COBLL1: variants seen among roughly 807,000 people sequenced by gnomAD.
The protein encoded by COBLL1 is cordon-bleu WH2 repeat protein like 1, also known as cordon-bleu protein-like 1.
In COBLL1, 50 loss-of-function variants were observed where a neutral mutation model predicts 94.8. The observed-to-expected ratio is 0.53, with a 90% CI of 0.42 to 0.67. The LOEUF (loss-of-function observed/expected upper bound fraction) is 0.67. Among genes scored for constraint, COBLL1 ranks in the 30% least tolerant of loss-of-function variants. The probability of loss-of-function intolerance (pLI) is 0.00; values close to 1 mark genes in which losing one functional copy is unlikely to be tolerated. For missense variants in COBLL1, 1,362 were observed against 1,348.7 expected, an observed-to-expected ratio of 1.01 and a Z score of -0.15; for synonymous variants, 448 against 473.8, an observed-to-expected ratio of 0.95 and a Z score of 0.71.
Position 164,743,763 on chromosome 2 carries a change from T to C in COBLL1, c.154A>G (p.Asn52Asp), listed in dbSNP as rs745882180. Residue 52 changes from asparagine (N) to aspartate (D), a missense_variant, in exon 3 of 14, where the codon AAC becomes GAC. By Grantham distance (23) the Asn-to-Asp change is conservative (BLOSUM62 1). Transcript: ENST00000652658. ...STAFIMEQKE[N>D]MIDKDVELSV... is the part of the protein sequence containing the mutation. ...AGTTCAACGTCTTTATCTATCATGT[T>C]TTCTTTCTGTTCCATGATGAAAGCA... 2.5e-6 allele frequency: 4 copies of C among 1,613,548 alleles called. No individual in the cohort carries two copies. The highest frequency in any genetic ancestry group is 3.4e-6 in the Non-Finnish European group (4 of 1,179,652).
intron 2 of COBLL1, among the ~76,000 whole-genome samples, chr2:164,821,233 A>C (rs1156298436): frequency 6.6e-6 from 1 of 152,104 alleles, no homozygotes; most frequent in Non-Finnish European, 1.5e-5. Flanking sequence ...AATGAATGTG[A>C]CCTGACATGA....
At chr2:164,790,224 T>C (rs1031005763) in intron 2 of COBLL1, among the ~76,000 whole-genome samples, 2 of 152,060 alleles carry the variant, frequency 1.3e-5, no homozygotes, top group African/African-American at 4.8e-5. Flanking sequence ...GGTTCATTGG[T>C]GTGTCTACAT....
At chr2:164,822,728 T>A (rs961308208) in intron 2 of COBLL1, among the ~76,000 whole-genome samples, 1 of 69,514 alleles carries the variant, frequency 1.4e-5, no homozygotes, top group Non-Finnish European at 3.0e-5. Flanking sequence ...CTGAAAAGAT[T>A]ATATTATATT....
chr2:164,779,420 C>T (rs539559351), intron 2 of COBLL1, among the ~76,000 whole-genome samples: 2 of 152,202 alleles, frequency 1.3e-5, no homozygotes, highest in African/African-American at 4.8e-5. Flanking sequence ...CAGGGAAGTT[C>T]CTTGCTCCCT....
intron 2 of COBLL1, among the ~76,000 whole-genome samples, chr2:164,780,811 C>CA (rs1688692587): frequency 6.6e-6 from 1 of 152,160 alleles, no homozygotes; most frequent in Non-Finnish European, 1.5e-5. Context: ...AGGCGACAGA[C>CA]AGAGTGTAAA....
intron 2 of COBLL1, among the ~76,000 whole-genome samples, chr2:164,751,170 G>T (rs1410790448): frequency 6.6e-6 from 1 of 151,956 alleles, no homozygotes; most frequent in Non-Finnish European, 1.5e-5. Flanking sequence ...AGGTACCAAG[G>T]CACACCCCAC....
intron 2 of COBLL1, among the ~76,000 whole-genome samples, chr2:164,760,330 G>C (rs1687618102): frequency 6.6e-6 from 1 of 152,182 alleles, no homozygotes; most frequent in Non-Finnish European, 1.5e-5. Flanking sequence ...TTACGTAAGA[G>C]TCTCAAAGGG....
chr2:164,766,725 T>G (rs748310722), intron 2 of COBLL1, among the ~76,000 whole-genome samples: 4 of 152,198 alleles, frequency 2.6e-5, no homozygotes, highest in Non-Finnish European at 4.4e-5. Context: ...CATAGATATA[T>G]AGCATGTTCC....
intron 5 of COBLL1, among the ~76,000 whole-genome samples, chr2:164,725,328 G>A (rs1049003587): frequency 7.2e-5 from 11 of 151,920 alleles, no homozygotes; most frequent in Admixed American, 5.3e-4. Flanking sequence ...ACCGCTTATC[G>A]CATATGGATA....
chr2:164,672,494 C>G (rs572882318), intron 1 of COBLL1, among the ~76,000 whole-genome samples: 1 of 150,706 alleles, frequency 6.6e-6, no homozygotes, highest in African/African-American at 2.4e-5. Context: ...GTCAGGAGAT[C>G]GAGACCATCC....
intron 7 of COBLL1, among the ~76,000 whole-genome samples, chr2:164,708,679 T>C (rs1055428163): frequency 6.6e-6 from 1 of 152,186 alleles, no homozygotes; most frequent in South Asian, 2.1e-4. Context: ...TTTCTCGGAT[T>C]TACTTCTGTA....
At chr2:164,832,423 G>A (rs963605028) in intron 2 of COBLL1, among the ~76,000 whole-genome samples, 4 of 152,026 alleles carry the variant, frequency 2.6e-5, no homozygotes, top group Admixed American at 6.6e-5. Context: ...TTATTTTAAA[G>A]ACATATTCTG....
intron 2 of COBLL1, among the ~76,000 whole-genome samples, chr2:164,837,276 A>C (rs1315104441): frequency 1.3e-5 from 2 of 152,138 alleles, no homozygotes; most frequent in South Asian, 4.1e-4. Context: ...GCAAGTAAAG[A>C]ACATAAGCAC....
intron 5 of COBLL1, chr2:164,723,871 C>A (rs1685584677): frequency 6.6e-6 from 1 of 152,238 alleles, no homozygotes; most frequent in Non-Finnish European, 1.5e-5. Flanking sequence ...TGGCTCACTG[C>A]AACCTCTGAG....
intron 9 of COBLL1, among the ~76,000 whole-genome samples, chr2:164,701,724 A>G (rs1468069304): frequency 6.6e-6 from 1 of 152,208 alleles, no homozygotes; most frequent in African/African-American, 2.4e-5. Flanking sequence ...GTAAAAGAGA[A>G]GGAGGCATCC....
intron 13 of COBLL1, among the ~76,000 whole-genome samples, chr2:164,690,632 G>C (rs1574413302): frequency 6.6e-6 from 1 of 152,156 alleles, no homozygotes; most frequent in Non-Finnish European, 1.5e-5. Context: ...CACTGACCTA[G>C]TATAAAGGCA....
At chr2:164,800,960 T>C (rs1337104912) in intron 2 of COBLL1, among the ~76,000 whole-genome samples, 1 of 152,136 alleles carries the variant, frequency 6.6e-6, no homozygotes, top group African/African-American at 2.4e-5. Flanking sequence ...CCAGTCTATG[T>C]CCTGATAGTG....
chr2:164,779,116 GTTGTT>G (rs1688614574), intron 2 of COBLL1, among the ~76,000 whole-genome samples: 1 of 151,980 alleles, frequency 6.6e-6, no homozygotes. Flanking sequence ...TGTTGTTGTT[GTTGTT>G]TTGTTTTTCC....
intron 5 of COBLL1, 60 bp from the exon 6 acceptor site, chr2:164,722,582 T>C: frequency 1.1e-6 from 1 of 904,194 alleles, no homozygotes. Flanking sequence ...ACTTCCAAGA[T>C]TTCTTTCTCT....
Sources: gnomAD v4.1 joint callset for allele counts (sites outside exome capture counted in the v4.1 genomes callset) on GRCh38, gnomAD v4.1.1 for gene constraint, MANE v1.5 for transcripts, NCBI Gene and HGNC (gene_info 2026-07-23, HGNC 2026-07-21) for gene names.